Variants in PDE8A observed in about 807,000 individuals in gnomAD.
PDE8A encodes the protein high affinity cAMP-specific and IBMX-insensitive 3',5'-cyclic phosphodiesterase 8A.
In PDE8A, 59 loss-of-function variants were observed where a neutral mutation model predicts 105.0. That is an observed-to-expected ratio of 0.56 (90% CI 0.46 to 0.70). The LOEUF is 0.70. PDE8A is among the 30% of genes least tolerant of loss of function. The probability of loss-of-function intolerance (pLI) is 0.00; values close to 1 mark genes in which losing one functional copy is unlikely to be tolerated. For missense variants in PDE8A, 1,014 were observed against 1,045.9 expected (o/e 0.97, Z 0.42); for synonymous variants, 355 against 371.9 (o/e 0.95, Z 0.52).
intron 6 of PDE8A, among the ~76,000 whole-genome samples, chr15:85,085,490 G>T (rs1323674810): frequency 6.6e-6 from 1 of 152,112 alleles, no homozygotes; most frequent in Non-Finnish European, 1.5e-5. Flanking sequence ...ACAAGGTCAG[G>T]AGTTCGAGAC....
intron 11 of PDE8A, among the ~76,000 whole-genome samples, chr15:85,103,916 C>T (rs1203038741): frequency 1.3e-5 from 2 of 152,354 alleles, no homozygotes; most frequent in Middle Eastern, 3.4e-3. Context: ...TACTCTGTCA[C>T]TAACTGGGTA....
intron 20 of PDE8A, among the ~76,000 whole-genome samples, chr15:85,128,025 G>A (rs546913961): frequency 7.3e-6 from 1 of 136,966 alleles, no homozygotes; most frequent in Non-Finnish European, 1.5e-5. Context: ...GCAGTAAGTG[G>A]TGTTAGGATA....
rs200145417 is a variant in PDE8A, at chr15:85,132,873, T to C, written c.2254-3661T>C. Reference sequence around the variant, plus strand: ...GTGTGTGTGTGTGTTTTTAGGTCTTTGAGCATATTTAAGACAGTTGTTTTC... The same window carrying C: ...GTGTGTGTGTGTGTTTTTAGGTCTTCGAGCATATTTAAGACAGTTGTTTTC... On this transcript the variant is annotated intron_variant, in intron 20 of 21. Coordinates refer to ENST00000394553, the MANE Select transcript of PDE8A (RefSeq NM_002605.3). Among the ~76,000 whole-genome samples, 7 of 152,242 alleles carry C rather than the reference T, an allele frequency of 4.6e-5. No individual in the cohort carries two copies. In the East Asian group the frequency reaches 1.3e-3, roughly 29 times the overall value.
intron 1 of PDE8A, among the ~76,000 whole-genome samples, chr15:84,985,154 G>A (rs971961130): frequency 1.3e-5 from 2 of 152,190 alleles, no homozygotes; most frequent in East Asian, 3.8e-4. Flanking sequence ...CAGGCCACAT[G>A]TTAAGACCTG....
chr15:85,109,084 A>C lies in PDE8A; in HGVS notation c.1068A>C (p.Arg356Ser). Reference sequence around the variant, plus strand: ...AGACAGGCAAACATAAAGACAGGAGAAAAGGCTCACTAGACGTCAAAGCTG... The same window carrying C: ...AGACAGGCAAACATAAAGACAGGAGCAAAGGCTCACTAGACGTCAAAGCTG... ...DNQTGKHKDR[R>S]KGSLDVKAVA... The change falls in exon 12 of 22, where the codon AGA (arginine) becomes AGC (serine). Residue 356 changes from arginine to serine, a missense_variant. Arg to Ser is a moderately radical substitution (Grantham distance 110). Transcript: ENST00000394553. 2 of 1,609,352 alleles carry C rather than the reference A, an allele frequency of 1.2e-6. No homozygotes were observed. The highest frequency in any genetic ancestry group is 1.7e-6 in the Non-Finnish European group (2 of 1,176,366).
chr15:85,123,306 T>C (rs1368546894), intron 19 of PDE8A, 113 bp downstream of exon 19: 2 of 848,358 alleles, frequency 2.4e-6, no homozygotes, highest in African/African-American at 3.4e-5. Context: ...AGTGAGTCTA[T>C]TAGACTCTTA....
chr15:85,036,377 CA>C (rs1567241100), intron 1 of PDE8A, among the ~76,000 whole-genome samples: 1 of 152,176 alleles, frequency 6.6e-6, no homozygotes, highest in Non-Finnish European at 1.5e-5. Flanking sequence ...GGAAACACCC[CA>C]GTAGTTGACC....
rs1363614182 is a variant in PDE8A at position 85,064,368 on chromosome 15, AG to A, written c.187del. 1.2e-6 allele frequency: 2 copies of A among 1,603,002 alleles called. No individual in the cohort carries two copies. Among genetic ancestry groups the A allele is most frequent in the African/African-American group, 2.7e-5 (2 of 74,644 alleles). ...ATTTTTAAGCCAATCTCTTTCTTAC[AG>A]GTAGCAGTAGCTGATGTGCAGTTTG... On this transcript the variant is annotated splice_acceptor_variant, in intron 1 of 21. Coordinates refer to ENST00000394553, the MANE Select transcript of PDE8A (RefSeq NM_002605.3). LOFTEE classifies it high-confidence loss of function.
intron 1 of PDE8A, among the ~76,000 whole-genome samples, chr15:85,059,117 T>C (rs2081106497): frequency 6.6e-6 from 1 of 152,228 alleles, no homozygotes; most frequent in Non-Finnish European, 1.5e-5. Context: ...TTCTAATTTA[T>C]CTTGTGTATT....
Position 84,993,260 on chromosome 15 carries a change from G to A in PDE8A, c.186+10912G>A, listed in dbSNP as rs147021838. Among the ~76,000 whole-genome samples, 640 of 151,520 alleles carry A rather than the reference G, an allele frequency of 4.2e-3. 3 individuals carry two copies. The highest frequency in any genetic ancestry group is 8.1e-3 in the East Asian group (41 of 5,082). ...AGATCAAGACCATCCTGGCTAACAC[G>A]GTGAAACCCCGTCTCTTCTAAAAAT... On this transcript the variant is annotated intron_variant, in intron 1 of 21. Transcript: ENST00000394553.
intron 1 of PDE8A, among the ~76,000 whole-genome samples, chr15:85,016,915 A>G (rs934245488): frequency 7.1e-6 from 1 of 141,298 alleles, no homozygotes. Context: ...CATAAGTAGG[A>G]TTTTCTCTTC....
intron 3 of PDE8A, among the ~76,000 whole-genome samples, chr15:85,072,492 A>G (rs2081325851): frequency 6.6e-6 from 1 of 152,206 alleles, no homozygotes; most frequent in African/African-American, 2.4e-5. Context: ...CAGCTGGCCA[A>G]TGGACCTATC....
chr15:85,000,230 T>A (rs1007754814), intron 1 of PDE8A, among the ~76,000 whole-genome samples: 6 of 152,244 alleles, frequency 3.9e-5, no homozygotes, highest in African/African-American at 1.4e-4. Flanking sequence ...TCTTTGCCTA[T>A]TAACCAGAAT....
At chr15:85,102,286 A>G (rs540508649) in intron 11 of PDE8A, among the ~76,000 whole-genome samples, 1 of 152,298 alleles carries the variant, frequency 6.6e-6, no homozygotes, top group East Asian at 1.9e-4. Context: ...AAGACTGGTC[A>G]GGGCTGAAGC....
At chr15:85,063,179 G>C (rs779294527) in intron 1 of PDE8A, 1 of 152,190 alleles carries the variant, frequency 6.6e-6, no homozygotes, top group Non-Finnish European at 1.5e-5. Flanking sequence ...CTAGACATCA[G>C]CTTCTCATGG....
intron 1 of PDE8A, among the ~76,000 whole-genome samples, chr15:85,015,219 T>G (rs1440149115): frequency 6.6e-6 from 1 of 150,516 alleles, no homozygotes; most frequent in Non-Finnish European, 1.5e-5. Context: ...TTTCCCTACA[T>G]TATTATATGA....
intron 12 of PDE8A, among the ~76,000 whole-genome samples, chr15:85,111,046 C>G (rs916725838): frequency 8.5e-5 from 13 of 152,168 alleles, no homozygotes; most frequent in Non-Finnish European, 1.5e-4. Flanking sequence ...AAGTGTCATT[C>G]AGGTCTTTTG....
chr15:85,064,273 A>G (rs1454256411), intron 1 of PDE8A, 97 bp from the exon 2 acceptor site: 12 of 783,014 alleles, frequency 1.5e-5, no homozygotes, highest in Middle Eastern at 2.3e-4. Context: ...TAGAATAGAA[A>G]TTTTGCTTTC....
intron 1 of PDE8A, among the ~76,000 whole-genome samples, chr15:85,030,757 C>G (rs2080601488): frequency 6.6e-6 from 1 of 152,194 alleles, no homozygotes. Context: ...CTCTTCTTAT[C>G]TGGCAGAGCC....
Sources: allele counts gnomAD v4.1 joint callset (sites outside exome capture counted in the v4.1 genomes callset), GRCh38; gene constraint gnomAD v4.1.1; transcripts MANE v1.5; gene names NCBI Gene and HGNC (gene_info 2026-07-23, HGNC 2026-07-21).